The following PRKCSH variants were observed in gnomAD, a reference collection of about 807,000 sequenced individuals.
The protein encoded by PRKCSH is glucosidase 2 subunit beta.
PRKCSH carries 42 observed loss-of-function variants against 79.7 expected under a neutral mutation model. That is an observed-to-expected ratio of 0.53 (90% CI 0.41 to 0.68). The LOEUF (loss-of-function observed/expected upper bound fraction) is 0.68, where lower values mean the gene tolerates loss of function less well. Ranked by LOEUF, PRKCSH falls within the 30% of genes least tolerant of loss-of-function variation. PRKCSH has a pLI of 0.00. For missense variants in PRKCSH, 686 were observed against 709.0 expected (o/e 0.97, Z 0.37); for synonymous variants, 325 against 288.2 (o/e 1.13, Z -1.29).
intron 8 of PRKCSH, 74 bp downstream of exon 8, chr19:11,445,547 G>C: frequency 6.9e-7 from 1 of 1,451,796 alleles, no homozygotes; most frequent in Non-Finnish European, 9.5e-7. Flanking sequence ...CTCGCCTCTA[G>C]AAACCAGCCA....
At position 11,446,340 on chromosome 19, in the gene PRKCSH, C is replaced by T. The variant is rs138530475; in HGVS notation, c.752C>T (p.Ala251Val). Residue 251 changes from alanine to valine, a missense_variant, in exon 9 of 18, where the codon GCG becomes GTG. By Grantham distance (64) the Ala-to-Val change is moderately conservative (BLOSUM62 0). Transcript: ENST00000677123. ...DTDGDGALSE[A>V]EAQALLSGDT... Reference sequence around the variant, plus strand: ...GATGGGGATGGGGCGTTGTCAGAAGCGGAAGCTCAGGTACCCCCGGCTGCC... The same window carrying T: ...GATGGGGATGGGGCGTTGTCAGAAGTGGAAGCTCAGGTACCCCCGGCTGCC... 1.3e-4 allele frequency: 203 copies of T among 1,613,366 alleles called. 1 individual carries two copies. The highest frequency in any genetic ancestry group is 2.8e-4 in the Admixed American group (17 of 59,940).
intron 7 of PRKCSH, 80 bp downstream of exon 7, chr19:11,442,595 C>T: frequency 1.3e-6 from 2 of 1,559,542 alleles, no homozygotes; most frequent in Non-Finnish European, 1.7e-6. Context: ...CGCTCATTAT[C>T]TGTTGTCAGT....
Position 11,447,151 on chromosome 19 carries a change from C to G in PRKCSH, c.840C>G (p.Tyr280Ter). 1 of 1,613,980 alleles carries G rather than the reference C, an allele frequency of 6.2e-7. No individual in the cohort carries two copies. ...DRVWAAIRDK[Y>*]RSEALPTDLP... is the part of the protein sequence containing the mutation. ...TCTGGGCCGCCATCAGGGACAAGTA[C>G]CGGTCCGAGGTCAGTGGAGGAGAAG... Residue 280 changes from tyrosine (Y) to a stop codon, truncating the protein, a stop_gained, in exon 10 of 18, where the codon TAC (tyrosine) becomes TAG (stop). Coordinates refer to ENST00000677123, the MANE Select transcript of PRKCSH (RefSeq NM_001289104.2). LOFTEE classifies it high-confidence loss of function. The surrounding 1 kb of genome is among the most constrained non-coding windows in gnomAD (Gnocchi z 5.6).
intron 3 of PRKCSH, 30 bp from the exon 4 acceptor site, chr19:11,437,846 C>T (rs369233857): frequency 8.5e-5 from 136 of 1,603,196 alleles, no homozygotes; most frequent in Non-Finnish European, 1.1e-4. Flanking sequence ...GAGCTGACTC[C>T]GAAAACCTTC....
Position 11,448,672 on chromosome 19 carries a change from G to C in PRKCSH, c.1286+43G>C. ...AGGGGCCCCCACTGGCAGGGTGGGA[G>C]GCGGGTGGCCCCGGAAGTGGCACCG... On this transcript the variant is annotated intron_variant, in intron 14 of 17. Coordinates refer to ENST00000677123, the MANE Select transcript of PRKCSH (RefSeq NM_001289104.2). The surrounding 1 kb of genome is among the most constrained non-coding windows in gnomAD (Gnocchi z 4.4). The C allele has an allele frequency of 6.3e-7, 1 of 1,576,926 alleles. No individual in the cohort carries two copies.
intron 5 of PRKCSH, among the ~76,000 whole-genome samples, chr19:11,438,588 C>T (rs907674908): frequency 1.3e-5 from 2 of 151,624 alleles, no homozygotes; most frequent in Non-Finnish European, 2.9e-5. Context: ...AACTCCGTCT[C>T]ACTAAAAATA....
intron 5 of PRKCSH, among the ~76,000 whole-genome samples, chr19:11,438,396 A>G (rs138235207): frequency 3.3e-5 from 5 of 152,244 alleles, no homozygotes; most frequent in African/African-American, 1.2e-4. Context: ...CTTGGACTCT[A>G]AACTTTCCAT....
Position 11,449,401 on chromosome 19 carries a change from G to C in PRKCSH, c.1597G>C (p.Asp533His), listed in dbSNP as rs759730321. 1 of 1,613,270 alleles carries C rather than the reference G, an allele frequency of 6.2e-7. No homozygotes were observed. Among genetic ancestry groups the C allele is most frequent in the Admixed American group, 1.7e-5 (1 of 60,016 alleles). The change falls in exon 17 of 18, where the codon GAC (aspartate) becomes CAC (histidine). Residue 533 changes from aspartate (D) to histidine (H), a missense_variant. Physicochemically the swap from Asp to His is moderately conservative, Grantham distance 81. Transcript: ENST00000677123. This position sits in a 1 kb window ranked among gnomAD's most constrained non-coding sequence, Gnocchi z 6.4. ...TGAAGCACCCACCGAAGACGACCAT[G>C]ACGAGCTCTAGCTGGATGGGCGCAG... ...PPEAPTEDDH[D>H]EL
chr19:11,436,330 G>A, intron 2 of PRKCSH, 59 bp from the exon 3 acceptor site: 1 of 1,573,506 alleles, frequency 6.4e-7, no homozygotes, highest in South Asian at 1.1e-5. Context: ...GAGGACAGAG[G>A]TGGTATTTGG....
In PRKCSH at chr19:11,446,261, C is replaced by T. The variant is rs758676260; in HGVS notation, c.684-11C>T. On this transcript the variant is annotated splice_polypyrimidine_tract_variant and intron_variant, in intron 8 of 17. Transcript: ENST00000677123. The stretch of plus-strand genomic sequence containing the variant: ...TCACCCCTCCAGTCTGCTTCTGCCA[C>T]GCCCCCGCAGGGTCTCGGTGACTGA... The T allele has an allele frequency of 8.7e-6, 14 of 1,612,858 alleles. No individual in the cohort carries two copies. Among genetic ancestry groups the T allele is most frequent in the South Asian group, 2.2e-5 (2 of 91,030 alleles).
At chr19:11,445,703 C>T (rs1266088927) in intron 8 of PRKCSH, 1 of 602,566 alleles carries the variant, frequency 1.7e-6, no homozygotes, top group African/African-American at 1.8e-5. Context: ...TGGGCACAGA[C>T]CCTCAGCCTC....
At chr19:11,446,965 G>GC in intron 9 of PRKCSH, 109 bp from the exon 10 acceptor site, 2 of 1,206,308 alleles carry the variant, frequency 1.7e-6, no homozygotes, top group Non-Finnish European at 2.5e-6. Flanking sequence ...GGTCATCAGG[G>GC]CCCGGGGCCC....
At position 11,450,656 on chromosome 19, in the gene PRKCSH, A is replaced by G. The variant is rs1970575019; in HGVS notation, c.*27A>G. 6.6e-6 allele frequency: 1 copy of G among 152,278 alleles called. No homozygotes were observed. The highest frequency in any genetic ancestry group is 1.5e-5 in the Non-Finnish European group (1 of 68,074). 9.4% of individuals were successfully genotyped at this position (152,278 alleles called of 1,614,324 possible). A position where few individuals can be genotyped will look rare whatever the true frequency, so the allele number is the denominator to read the frequency against. Reference sequence around the variant, plus strand: ...TTTCTCTTGCCCCAGAACCTCAAGAAGGCATGAAGCCAGCCCCTGCAGTGC... The same window carrying G: ...TTTCTCTTGCCCCAGAACCTCAAGAGGGCATGAAGCCAGCCCCTGCAGTGC... On this transcript the variant is annotated 3_prime_UTR_variant, in exon 18 of 18. Transcript: ENST00000677123.
chr19:11,436,460 G>T lies in PRKCSH; in HGVS notation c.151G>T (p.Val51Phe), dbSNP rs750066105. The change falls in exon 3 of 18, where the codon GTC becomes TTC. Residue 51 changes from valine to phenylalanine, a missense_variant. Coordinates refer to ENST00000677123, the MANE Select transcript of PRKCSH (RefSeq NM_001289104.2). ...DGSATIPFDQVNDDYCDCKDG... is the reference protein window; with the variant it reads ...DGSATIPFDQFNDDYCDCKDG... ...TTCGGCCACCATCCCATTTGATCAG[G>T]TCAACGATGACTATTGCGACTGCAA... 6.2e-7 allele frequency: 1 copy of T among 1,614,180 alleles called. No individual in the cohort carries two copies. Among genetic ancestry groups the T allele is most frequent in the Non-Finnish European group, 8.5e-7 (1 of 1,180,026 alleles).
Position 11,448,361 on chromosome 19 carries a change from G to A in PRKCSH, c.1196+70G>A, listed in dbSNP as rs1970424347. The A allele has an allele frequency of 5.2e-6, 8 of 1,539,422 alleles. No individual in the cohort carries two copies. The highest frequency in any genetic ancestry group is 4.2e-4 in the Middle Eastern group (2 of 4,744). ...CTCCTTGACTCCCAGGGGAGCTGGT[G>A]ATGGGGAATCACTGAGGCAACCACA... On this transcript the variant is annotated intron_variant, in intron 13 of 17. Transcript: ENST00000677123. The surrounding 1 kb of genome is among the most constrained non-coding windows in gnomAD (Gnocchi z 4.4).
At chr19:11,446,553 G>A (rs950758784) in intron 9 of PRKCSH, among the ~76,000 whole-genome samples, 1 of 151,570 alleles carries the variant, frequency 6.6e-6, no homozygotes, top group Admixed American at 6.6e-5. Context: ...CCGTTTCCCC[G>A]CACCTGCCCC....
intron 5 of PRKCSH, among the ~76,000 whole-genome samples, chr19:11,440,810 T>C (rs906607950): frequency 2.6e-5 from 4 of 151,526 alleles, no homozygotes; most frequent in Admixed American, 1.3e-4. Flanking sequence ...ATTTCTGTTC[T>C]GTCTTCTGTG....
chr19:11,442,241 A>G, intron 6 of PRKCSH, 145 bp from the exon 7 acceptor site: 1 of 1,224,232 alleles, frequency 8.2e-7, no homozygotes. Flanking sequence ...GGCTACAGGG[A>G]ACCCCAGCTC....
Position 11,449,532 on chromosome 19 carries a change from T to G in PRKCSH, c.*16+104T>G, listed in dbSNP as rs755000. The G allele has an allele frequency of 0.036, 53,246 of 1,471,518 alleles. 1,831 individuals carry two copies. Among genetic ancestry groups the G allele is most frequent in the African/African-American group, 0.17 (12,524 of 71,576 alleles). The allele number at this position is 1,471,518 out of a possible 1,614,324, so 91.2% of individuals were successfully genotyped here. The stretch of plus-strand genomic sequence containing the variant: ...GCCACTCTATCAACCTGTGTCCCCA[T>G]GTTCCCTGCTTTTTTGTTTTGTTTT... On this transcript the variant is annotated intron_variant, in intron 17 of 17. Transcript: ENST00000677123. This position sits in a 1 kb window ranked among gnomAD's most constrained non-coding sequence, Gnocchi z 6.4.
Sources: gnomAD v4.1 joint callset for allele counts (sites outside exome capture counted in the v4.1 genomes callset) on GRCh38, gnomAD v4.1.1 for gene constraint, Gnocchi (gnomAD v3.1) non-coding constraint, MANE v1.5 for transcripts, NCBI Gene and HGNC (gene_info 2026-07-23, HGNC 2026-07-21) for gene names.